The following DIP2C variants were observed in gnomAD, a reference collection of about 807,000 sequenced individuals.
DIP2C encodes DIP2 acetate--CoA ligase C (putative).
A neutral mutation model predicts 192.4 loss-of-function variants in DIP2C; 33 were observed. The ratio of observed to expected loss-of-function variants is 0.17; its 90% CI spans 0.13 to 0.23. DIP2C has a LOEUF of 0.23. Among genes scored for constraint, DIP2C ranks in the 10% least tolerant of loss-of-function variants. The pLI is 1.00. For missense variants in DIP2C, 1,537 were observed against 2,110.1 expected (o/e 0.73, Z 5.32); for synonymous variants, 979 against 864.1 (o/e 1.13, Z -2.33).
intron 4 of DIP2C, among the ~76,000 whole-genome samples, chr10:435,276 T>G (rs1305832769): frequency 6.6e-6 from 1 of 152,238 alleles, no homozygotes; most frequent in Non-Finnish European, 1.5e-5. Flanking sequence ...TAGTCTCTAG[T>G]TAACTAGCTT....
At position 607,338 on chromosome 10, in the gene DIP2C, A is replaced by G. The variant is rs766176315; in HGVS notation, c.85+82156T>C. 1.7e-4 allele frequency among the ~76,000 whole-genome samples: 26 copies of G among 149,660 alleles called. 1 individual carries two copies. Among genetic ancestry groups the G allele is most frequent in the Admixed American group, 3.9e-4 (6 of 15,192 alleles). ...GCAGCTGATAACCCACTGGGCTAAGAAGGCACAGACTTCATTATCCAGAAG... is the reference window on the plus strand; with the variant it reads ...GCAGCTGATAACCCACTGGGCTAAGGAGGCACAGACTTCATTATCCAGAAG... On this transcript the variant is annotated intron_variant, in intron 1 of 36. Coordinates refer to ENST00000280886, the MANE Select transcript of DIP2C (RefSeq NM_014974.3).
chr10:452,119 G>A (rs911095888), intron 3 of DIP2C, among the ~76,000 whole-genome samples: 1 of 152,130 alleles, frequency 6.6e-6, no homozygotes, highest in African/African-American at 2.4e-5. Context: ...GGACCACAAA[G>A]ATGTCAGACT....
rs776877639 is a variant in DIP2C, at chr10:408,908, A to G, written c.1149+18T>C. ...GACTCTTGTGTTTTGTAGATCCAGC[A>G]GTTTAAGTTGCACTTACCCTATCTC... is the stretch of plus-strand genomic sequence containing the variant. On this transcript the variant is annotated intron_variant, in intron 9 of 36. Coordinates refer to ENST00000280886, the MANE Select transcript of DIP2C (RefSeq NM_014974.3). The G allele has an allele frequency of 6.2e-7, 1 of 1,612,978 alleles. No individual in the cohort carries two copies. The highest frequency in any genetic ancestry group is 8.5e-7 in the Non-Finnish European group (1 of 1,179,186).
At chr10:372,003 C>T (rs893280124) in intron 17 of DIP2C, among the ~76,000 whole-genome samples, 2 of 151,722 alleles carry the variant, frequency 1.3e-5, no homozygotes, top group African/African-American at 4.8e-5. Flanking sequence ...GGGCAAGGGC[C>T]GGAAGGGAAA....
intron 29 of DIP2C, among the ~76,000 whole-genome samples, chr10:335,930 G>A (rs185588032): frequency 9.9e-5 from 15 of 152,142 alleles, no homozygotes; most frequent in African/African-American, 2.6e-4. Flanking sequence ...ACAGGGTCTC[G>A]CTCTGTCACC....
At chr10:514,947 G>A (rs1846256098) in intron 1 of DIP2C, among the ~76,000 whole-genome samples, 1 of 152,084 alleles carries the variant, frequency 6.6e-6, no homozygotes, top group Non-Finnish European at 1.5e-5. Context: ...CAAAAAACAA[G>A]CTTTTTTTAA....
intron 1 of DIP2C, among the ~76,000 whole-genome samples, chr10:512,878 T>C (rs903428502): frequency 3.0e-5 from 4 of 135,216 alleles, no homozygotes; most frequent in Non-Finnish European, 6.0e-5. Context: ...TGCGCCACTG[T>C]ACTCCACTCC....
intron 1 of DIP2C, among the ~76,000 whole-genome samples, chr10:671,415 G>A (rs1205915179): frequency 2.4e-5 from 3 of 125,546 alleles, no homozygotes; most frequent in African/African-American, 9.3e-5. Flanking sequence ...ACAGACGCAC[G>A]GACGGAGGAA....
intron 6 of DIP2C, among the ~76,000 whole-genome samples, chr10:416,535 TAA>T (rs969188117): frequency 9.9e-5 from 15 of 152,074 alleles, no homozygotes; most frequent in African/African-American, 2.4e-4. Flanking sequence ...GCACAGAAGT[TAA>T]AGTCTCTAAA....
chr10:387,178 T>C (rs1198118017), intron 14 of DIP2C, among the ~76,000 whole-genome samples: 1 of 152,092 alleles, frequency 6.6e-6, no homozygotes, highest in South Asian at 2.1e-4. Context: ...ATGCCAAAAG[T>C]GCGGGAAGAA....
chr10:370,144 T>C (rs899111539), intron 17 of DIP2C: 1 of 706,104 alleles, frequency 1.4e-6, no homozygotes, highest in Non-Finnish European at 1.7e-6. Flanking sequence ...CCCAATTTTA[T>C]AAGAATCTAA....
intron 1 of DIP2C, among the ~76,000 whole-genome samples, chr10:574,261 C>A (rs1220813855): frequency 6.6e-6 from 1 of 152,160 alleles, no homozygotes; most frequent in African/African-American, 2.4e-5. Context: ...AGATTTTGCA[C>A]AATTCCTAGC....
At chr10:415,132 A>G (rs1171285544) in intron 7 of DIP2C, among the ~76,000 whole-genome samples, 5 of 152,006 alleles carry the variant, frequency 3.3e-5, no homozygotes, top group Non-Finnish European at 7.4e-5. Flanking sequence ...TCAGTGCATC[A>G]TAAATACCAC....
intron 1 of DIP2C, among the ~76,000 whole-genome samples, chr10:514,664 T>C (rs992221044): frequency 6.6e-6 from 1 of 152,190 alleles, no homozygotes; most frequent in Non-Finnish European, 1.5e-5. Context: ...TCACCACTGC[T>C]GCCAACACCG....
intron 2 of DIP2C, among the ~76,000 whole-genome samples, chr10:479,328 C>CCT (rs1554875184): frequency 1.1e-5 from 1 of 88,458 alleles, no homozygotes; most frequent in Non-Finnish European, 2.2e-5. Flanking sequence ...TCTCACACTG[C>CCT]TTTTTTTTTT....
At chr10:594,876 G>GC (rs1851614313) in intron 1 of DIP2C, among the ~76,000 whole-genome samples, 1 of 152,204 alleles carries the variant, frequency 6.6e-6, no homozygotes, top group Non-Finnish European at 1.5e-5. Context: ...CCTGATTCGG[G>GC]CTTTGACCTT....
At chr10:295,708 AAACT>A (rs1464844312) in intron 32 of DIP2C, among the ~76,000 whole-genome samples, 1 of 151,946 alleles carries the variant, frequency 6.6e-6, no homozygotes, top group Non-Finnish European at 1.5e-5. Flanking sequence ...GTAGGAATGT[AAACT>A]AATACAGCCA....
chr10:608,114 C>CCACACACACAGCCCCAA (rs1432616526), intron 1 of DIP2C, among the ~76,000 whole-genome samples: 2 of 128,918 alleles, frequency 1.6e-5, no homozygotes, highest in Admixed American at 7.7e-5. Flanking sequence ...AACACACACA[C>CCACACACACAGCCCCAA]CACACACACA....
At position 426,467 on chromosome 10, in the gene DIP2C, T is replaced by C. The variant is rs371350965; in HGVS notation, c.395-3434A>G. Among the ~76,000 whole-genome samples the C allele has an allele frequency of 1.3e-4, 20 of 152,296 alleles. No individual in the cohort carries two copies. The East Asian group carries it at 2.3e-3, about 18-fold the overall frequency. ...TAATTCAAGGCACTGCCTAATAAAATCCCAGAAGGCTTTGTGTGTGTGAAA... is the reference window on the plus strand; with the variant it reads ...TAATTCAAGGCACTGCCTAATAAAACCCCAGAAGGCTTTGTGTGTGTGAAA... On this transcript the variant is annotated intron_variant, in intron 4 of 36. Coordinates refer to ENST00000280886, the MANE Select transcript of DIP2C (RefSeq NM_014974.3).
Sources: gnomAD v4.1 joint callset for allele counts (sites outside exome capture counted in the v4.1 genomes callset) on GRCh38, gnomAD v4.1.1 for gene constraint, MANE v1.5 for transcripts, NCBI Gene and HGNC (gene_info 2026-07-23, HGNC 2026-07-21) for gene names.